SMIM17: variants seen among roughly 807,000 people sequenced by gnomAD.
The protein encoded by SMIM17 is small integral membrane protein 17.
Under a neutral mutation model 12.2 loss-of-function variants are expected in SMIM17, and 10 were observed. The observed-to-expected ratio is 0.82, with a 90% CI of 0.50 to 1.39. SMIM17 has a LOEUF of 1.39. Among genes scored for constraint, SMIM17 ranks in the 40% most tolerant of loss-of-function variants. The probability of loss-of-function intolerance (pLI) is 0.00; values close to 1 mark genes in which losing one functional copy is unlikely to be tolerated. For synonymous variants in SMIM17, 50 were observed against 44.1 expected (o/e 1.13, Z -0.53); for missense variants, 136 against 118.2 (o/e 1.15, Z -0.70).
chr19:56,647,420 TGA>T (rs72370552), intron 2 of SMIM17, 136 bp from the exon 3 acceptor site: 86,088 of 527,360 alleles, frequency 0.16, 28 homozygotes, highest in East Asian at 0.27. Flanking sequence ...AGAAGGAGGG[TGA>T]GAGAGAGAGA....
At chr19:56,643,704 G>A (rs1490997974) in intron 1 of SMIM17, among the ~76,000 whole-genome samples, 1 of 152,212 alleles carries the variant, frequency 6.6e-6, no homozygotes, top group African/African-American at 2.4e-5. Flanking sequence ...CAGCAAACAG[G>A]TGCAGCAGCC....
In SMIM17 at chr19:56,655,813, C is replaced by T. The variant is rs1212410032; in HGVS notation, c.*600C>T. On this transcript the variant is annotated 3_prime_UTR_variant, in exon 4 of 4. Transcript: ENST00000598409. ...AGTCCCTTGACACCTTACATGAATT[C>T]ATTGTTATAACCAGGTCATAGAGTC... The T allele has an allele frequency of 6.6e-6, 1 of 152,326 alleles. No individual in the cohort carries two copies. Among genetic ancestry groups the T allele is most frequent in the Non-Finnish European group, 1.5e-5 (1 of 68,156 alleles). The allele number at this position is 152,326 out of a possible 1,614,324, so 9.4% of individuals were successfully genotyped here.
chr19:56,645,243 G>A (rs2045053938), intron 1 of SMIM17, among the ~76,000 whole-genome samples: 1 of 151,878 alleles, frequency 6.6e-6, no homozygotes, highest in East Asian at 1.9e-4. Flanking sequence ...GTGTGTGTAT[G>A]TGACTGTGTG....
At chr19:56,647,474 C>G (rs2045073644) in intron 2 of SMIM17, 84 bp from the exon 3 acceptor site, 1 of 926,108 alleles carries the variant, frequency 1.1e-6, no homozygotes, top group Non-Finnish European at 1.6e-6. Flanking sequence ...AGAAAAGGGA[C>G]AAGATGCCAG....
intron 2 of SMIM17, 90 bp downstream of exon 2, chr19:56,645,926 T>C: frequency 7.5e-7 from 1 of 1,324,836 alleles, no homozygotes; most frequent in Non-Finnish European, 1.0e-6. Flanking sequence ...ACTCCTTCAC[T>C]CATCCATTCA....
intron 3 of SMIM17, among the ~76,000 whole-genome samples, chr19:56,649,817 A>G (rs28566969): frequency 0.41 from 62,463 of 151,776 alleles, 13,710 homozygotes; most frequent in East Asian, 0.64. Context: ...CTCATGGGCC[A>G]TGGTGAAATG....
At chr19:56,643,675 C>T (rs1052522339) in intron 1 of SMIM17, among the ~76,000 whole-genome samples, 3 of 152,216 alleles carry the variant, frequency 2.0e-5, no homozygotes, top group African/African-American at 7.2e-5. Flanking sequence ...CACCCTGCAA[C>T]GGTGGGAGCG....
chr19:56,656,141 T>G lies in SMIM17; in HGVS notation c.*928T>G, dbSNP rs1419952304. On this transcript the variant is annotated 3_prime_UTR_variant, in exon 4 of 4. Coordinates refer to ENST00000598409, the MANE Select transcript of SMIM17 (RefSeq NM_001193628.2). ...TTGTATTTTTAGTAGAGACGGGGTT[T>G]CACCGTGTTAGCCAGGATGGTCTCG... Among the ~76,000 whole-genome samples the G allele has an allele frequency of 1.3e-5, 2 of 151,940 alleles. No homozygotes were observed. The highest frequency in any genetic ancestry group is 3.9e-4 in the East Asian group (2 of 5,178).
intron 2 of SMIM17, among the ~76,000 whole-genome samples, chr19:56,646,843 C>T (rs888198369): frequency 9.9e-5 from 15 of 152,272 alleles, no homozygotes; most frequent in African/African-American, 3.1e-4. Context: ...CATTTGCCGA[C>T]ATCTCAATGA....
rs2045146793 is a variant in SMIM17, at chr19:56,655,886, T to G, written c.*673T>G. ...TTCTTGGGCAGCTTTCTTAGTTCTT[T>G]ACAATGTTATCAGTTTATTAATACT... On this transcript the variant is annotated 3_prime_UTR_variant, in exon 4 of 4. Coordinates refer to ENST00000598409, the MANE Select transcript of SMIM17 (RefSeq NM_001193628.2). The G allele has an allele frequency of 6.6e-6, 1 of 152,114 alleles. No individual in the cohort carries two copies. Among genetic ancestry groups the G allele is most frequent in the Non-Finnish European group, 1.5e-5 (1 of 68,016 alleles). 9.4% of individuals were successfully genotyped at this position (152,114 alleles called of 1,614,324 possible). A position where few individuals can be genotyped will look rare whatever the true frequency, so the allele number is the denominator to read the frequency against.
At chr19:56,647,526 C>G in intron 2 of SMIM17, 32 bp from the exon 3 acceptor site, 1 of 1,512,756 alleles carries the variant, frequency 6.6e-7, no homozygotes, top group Non-Finnish European at 8.8e-7. Flanking sequence ...TCACTCATGG[C>G]TCCTTTTTCC....
intron 3 of SMIM17, among the ~76,000 whole-genome samples, chr19:56,652,950 T>C (rs778226953): frequency 1.3e-5 from 2 of 152,346 alleles, no homozygotes; most frequent in East Asian, 3.9e-4. Flanking sequence ...GAGGCATCCA[T>C]GGGTCTATTA....
chr19:56,648,342 C>T (rs570915802), intron 3 of SMIM17, among the ~76,000 whole-genome samples: 1 of 146,510 alleles, frequency 6.8e-6, no homozygotes, highest in Non-Finnish European at 1.5e-5. Flanking sequence ...TTCATTTACC[C>T]AACCTTTCAT....
At chr19:56,652,662 G>GAAAA (rs138292961) in intron 3 of SMIM17, among the ~76,000 whole-genome samples, 11 of 145,270 alleles carry the variant, frequency 7.6e-5, no homozygotes, top group Non-Finnish European at 9.0e-5. Context: ...TCAAAAAAAA[G>GAAAA]AAAAAAAAAA....
At chr19:56,650,978 TA>T (rs1481866317) in intron 3 of SMIM17, among the ~76,000 whole-genome samples, 3 of 152,180 alleles carry the variant, frequency 2.0e-5, no homozygotes, top group Non-Finnish European at 4.4e-5. Context: ...AGGGGGCTGA[TA>T]GGGGAGGGCC....
intron 3 of SMIM17, among the ~76,000 whole-genome samples, chr19:56,651,195 A>C (rs1450495072): frequency 6.6e-6 from 1 of 152,224 alleles, no homozygotes; most frequent in Non-Finnish European, 1.5e-5. Context: ...TCCTTGATGT[A>C]GGACCTGTTA....
chr19:56,649,525 G>A (rs944858920), intron 3 of SMIM17, among the ~76,000 whole-genome samples: 1 of 152,180 alleles, frequency 6.6e-6, no homozygotes. Flanking sequence ...GGGAGTAGGA[G>A]CTGGGGCTGG....
At chr19:56,649,663 A>G (rs1264016330) in intron 3 of SMIM17, among the ~76,000 whole-genome samples, 2 of 152,110 alleles carry the variant, frequency 1.3e-5, no homozygotes, top group African/African-American at 4.8e-5. Flanking sequence ...TGCAGAGGAC[A>G]CAGCAAGTGC....
At chr19:56,649,563 G>A (rs2045093687) in intron 3 of SMIM17, among the ~76,000 whole-genome samples, 1 of 152,192 alleles carries the variant, frequency 6.6e-6, no homozygotes, top group Admixed American at 6.5e-5. Flanking sequence ...AGCTTGTCTA[G>A]GAAAGTCCCC....
Sources: allele counts gnomAD v4.1 joint callset (sites outside exome capture counted in the v4.1 genomes callset), GRCh38; gene constraint gnomAD v4.1.1; transcripts MANE v1.5; gene names NCBI Gene and HGNC (gene_info 2026-07-23, HGNC 2026-07-21).